RCC2: variants seen among roughly 807,000 people sequenced by gnomAD.
RCC2 encodes protein RCC2.
A neutral mutation model predicts 64.1 loss-of-function variants in RCC2; 19 were observed. That is an observed-to-expected ratio of 0.30 (90% CI 0.21 to 0.44). The LOEUF (loss-of-function observed/expected upper bound fraction) is 0.44. Among genes scored for constraint, RCC2 ranks in the 20% least tolerant of loss-of-function variants. The probability of loss-of-function intolerance (pLI) is 1.00; values close to 1 mark genes in which losing one functional copy is unlikely to be tolerated. For synonymous variants in RCC2, 325 were observed against 279.6 expected (o/e 1.16, Z -1.62); for missense variants, 508 against 710.4 (o/e 0.72, Z 3.24).
intron 9 of RCC2, 127 bp downstream of exon 9, chr1:17,413,410 T>A: frequency 9.3e-7 from 1 of 1,078,518 alleles, no homozygotes; most frequent in Non-Finnish European, 1.4e-6. Flanking sequence ...CACAACGAGT[T>A]CCTGTCTCAA....
chr1:17,424,360 A>G (rs2075590222), intron 4 of RCC2, among the ~76,000 whole-genome samples: 2 of 152,222 alleles, frequency 1.3e-5, no homozygotes, highest in Admixed American at 1.3e-4. Context: ...ACGCAAGTGA[A>G]GCTCAGCGAG....
At position 17,411,708 on chromosome 1, in the gene RCC2, TAAC is replaced by T. The variant is rs1286525807; in HGVS notation, c.1386+411_1386+413del. 8.5e-5 allele frequency among the ~76,000 whole-genome samples: 13 copies of T among 152,266 alleles called. No individual in the cohort carries two copies. The East Asian group carries it at 2.3e-3, about 27-fold the overall frequency. The stretch of plus-strand genomic sequence containing the variant: ...ACCTCATCACTCAAGTAACTGGTAT[TAAC>T]AACAGAAACACAGGTTTAAACTCAA... On this transcript the variant is annotated intron_variant, in intron 11 of 12. Coordinates refer to ENST00000375436, the MANE Select transcript of RCC2 (RefSeq NM_018715.4).
intron 2 of RCC2, among the ~76,000 whole-genome samples, chr1:17,437,723 G>A (rs2075752697): frequency 6.8e-6 from 1 of 146,914 alleles, no homozygotes; most frequent in Admixed American, 6.8e-5. Context: ...CCGGAGCCGA[G>A]GCGGCGGGAA....
chr1:17,437,396 T>C (rs1557637399), intron 2 of RCC2, among the ~76,000 whole-genome samples: 1 of 152,136 alleles, frequency 6.6e-6, no homozygotes, highest in African/African-American at 2.4e-5. Context: ...TTAAAGAAAG[T>C]TCTGTGGGGG....
rs1162916627 is a variant in RCC2, at chr1:17,408,931, T to C, written c.*159A>G. ...CATACAGAAAAAAAGGTAGTTAACG[T>C]TGGATCATGTGTAAAACGGAACCTC... On this transcript the variant is annotated 3_prime_UTR_variant, in exon 13 of 13. Transcript: ENST00000375436. 1.1e-5 allele frequency: 7 copies of C among 625,426 alleles called. No homozygotes were observed. Among genetic ancestry groups the C allele is most frequent in the East Asian group, 7.7e-5 (3 of 39,002 alleles). 38.7% of individuals were successfully genotyped at this position (625,426 alleles called of 1,614,324 possible).
At chr1:17,409,411 C>G (rs894556343) in intron 12 of RCC2, among the ~76,000 whole-genome samples, 1 of 152,218 alleles carries the variant, frequency 6.6e-6, no homozygotes, top group Non-Finnish European at 1.5e-5. Context: ...CCCTGGGAGA[C>G]CCAGCTGGAA....
rs767775116 is a variant in RCC2, at chr1:17,438,476, C to G, written c.39G>C (p.Glu13Asp). 4 of 1,343,326 alleles carry G rather than the reference C, an allele frequency of 3.0e-6. No individual in the cohort carries two copies. In the East Asian group the frequency reaches 1.1e-4, roughly 39 times the overall value. The allele number at this position is 1,343,326 out of a possible 1,614,324, so 83.2% of individuals were successfully genotyped here. ...GGGCAGTGCCGTTGCCCGAGCTCGG[C>G]TCCTCCCAGGCCGCCGCCGCCGCCT... The part of the protein sequence containing the change: ...RKKAAAAAWE[E>D]PSSGNGTARA... The change falls in exon 2 of 13, where the codon GAG becomes GAC. Residue 13 changes from glutamate (E) to aspartate (D), a missense_variant. Glu to Asp is a conservative substitution (Grantham distance 45, BLOSUM62 2). Around this residue, in one of 4 missense-constraint regions of RCC2, gnomAD observed 195 missense variants for 158.3 expected, o/e 1.23. Transcript: ENST00000375436.
In RCC2 at chr1:17,407,109, T is replaced by G. The variant is rs1236457771; in HGVS notation, c.*1981A>C. The G allele has an allele frequency of 6.6e-6, 1 of 152,252 alleles. No individual in the cohort carries two copies. Among genetic ancestry groups the G allele is most frequent in the Non-Finnish European group, 1.5e-5 (1 of 68,062 alleles). 9.4% of individuals were successfully genotyped at this position (152,252 alleles called of 1,614,324 possible). On this transcript the variant is annotated 3_prime_UTR_variant, in exon 13 of 13. Coordinates refer to ENST00000375436, the MANE Select transcript of RCC2 (RefSeq NM_018715.4). ...GAAGGAGCTGCGGGACAAGGCAGTC[T>G]TCACTTTGAAGGTCCCTTTCCTGCT... is the stretch of plus-strand genomic sequence containing the variant.
intron 8 of RCC2, among the ~76,000 whole-genome samples, chr1:17,416,085 G>C (rs1347412432): frequency 1.8e-5 from 2 of 110,794 alleles, no homozygotes; most frequent in Non-Finnish European, 1.8e-5. Flanking sequence ...AAAAGGGGGG[G>C]GGGGCGGGGG....
Position 17,438,340 on chromosome 1 carries a change from G to T in RCC2, c.175C>A (p.Leu59Ile). The change falls in exon 2 of 13, where the codon CTC becomes ATC. Residue 59 changes from leucine to isoleucine, a missense_variant. Leu to Ile is a conservative substitution (Grantham distance 5). This residue lies in a region of RCC2 where 195 missense variants were observed against 158.3 expected (regional missense o/e 1.23). Coordinates refer to ENST00000375436, the MANE Select transcript of RCC2 (RefSeq NM_018715.4). ...TTGCCCCCGCCGGGGGCCCCGTCGA[G>T]CTCCAGGCCGTCCTCGTCGCCGCTG... ...GSSGDEDGLELDGAPGGGKRA... is the reference protein window; with the variant it reads ...GSSGDEDGLEIDGAPGGGKRA... The T allele has an allele frequency of 8.0e-7, 1 of 1,244,722 alleles. No homozygotes were observed. 77.1% of individuals were successfully genotyped at this position (1,244,722 alleles called of 1,614,324 possible).
chr1:17,438,242 G>C lies in RCC2; in HGVS notation c.273C>G (p.Thr91=). Residue 91 remains threonine (T), a synonymous_variant, in exon 2 of 13, where the codon ACC becomes ACG. Transcript: ENST00000375436. ...GACCCTCACTCACGACGCGCTCCTT[G>C]GTGTGCTCGGGTTCGGTGATGACCA... ...AAVVITEPEH[T]KERVKLEGSK... 2.3e-6 allele frequency: 3 copies of C among 1,322,422 alleles called. No homozygotes were observed. The highest frequency in any genetic ancestry group is 2.9e-6 in the Non-Finnish European group (3 of 1,017,546). The allele number at this position is 1,322,422 out of a possible 1,614,324, so 81.9% of individuals were successfully genotyped here. A position where few individuals can be genotyped will look rare whatever the true frequency, so the allele number is the denominator to read the frequency against.
At chr1:17,422,658 T>A in intron 5 of RCC2, 47 bp downstream of exon 5, 2 of 1,607,740 alleles carry the variant, frequency 1.2e-6, no homozygotes, top group Non-Finnish European at 1.7e-6. Context: ...GCAGACCACC[T>A]GGCCTCTTGC....
At chr1:17,427,430 G>A (rs2075628761) in intron 3 of RCC2, among the ~76,000 whole-genome samples, 1 of 152,144 alleles carries the variant, frequency 6.6e-6, no homozygotes, top group Non-Finnish European at 1.5e-5. Context: ...TGGGGAAAGA[G>A]CAAACCAAAA....
At chr1:17,434,331 C>G (rs975809876) in intron 2 of RCC2, among the ~76,000 whole-genome samples, 6 of 152,180 alleles carry the variant, frequency 3.9e-5, no homozygotes, top group African/African-American at 1.4e-4. Flanking sequence ...TGATCAATGG[C>G]TTAATCTACC....
In RCC2 at chr1:17,416,640, TTG is replaced by T. The variant is rs748772286; in HGVS notation, c.864_865del (p.His288GlnfsTer18). 1 of 1,612,394 alleles carries T rather than the reference TTG, an allele frequency of 6.2e-7. No homozygotes were observed. The highest frequency in any genetic ancestry group is 1.7e-5 in the Admixed American group (1 of 59,984). ...CCGGGCGATGAACTTCCCATCTGAG[TTG>T]TGTCCTGTAGAGACCACAGAGCCGG... On this transcript the variant is annotated frameshift_variant, in exon 8 of 13. Transcript: ENST00000375436. LOFTEE classifies it high-confidence loss of function.
At chr1:17,431,355 A>ATATATGTATATAT (rs1354041881) in intron 2 of RCC2, among the ~76,000 whole-genome samples, 5 of 44,620 alleles carry the variant, frequency 1.1e-4, no homozygotes, top group African/African-American at 5.0e-4. Flanking sequence ...AAAAAAAAAA[A>ATATATGTATATAT]AAAAATATAT....
chr1:17,438,576 G>T (rs2075770549), intron 1 of RCC2, 54 bp from the exon 2 acceptor site: 2 of 1,277,306 alleles, frequency 1.6e-6, no homozygotes, highest in Non-Finnish European at 2.0e-6. Context: ...AAACTGCGCG[G>T]GGGGAGGGGA....
intron 5 of RCC2, 37 bp downstream of exon 5, chr1:17,422,668 C>G (rs2075568185): frequency 6.2e-7 from 1 of 1,609,046 alleles, no homozygotes; most frequent in Non-Finnish European, 8.5e-7. Flanking sequence ...TGGCCTCTTG[C>G]CAAACTGAGA....
chr1:17,432,248 C>T (rs1200436463), intron 2 of RCC2, among the ~76,000 whole-genome samples: 1 of 152,218 alleles, frequency 6.6e-6, no homozygotes, highest in Non-Finnish European at 1.5e-5. Context: ...AGCCTAGCTT[C>T]CCCTGGTTAT....
Sources: allele counts gnomAD v4.1 joint callset (sites outside exome capture counted in the v4.1 genomes callset), GRCh38; gene constraint gnomAD v4.1.1; regional missense constraint gnomAD v4.1.1; transcripts MANE v1.5; gene names NCBI Gene and HGNC (gene_info 2026-07-23, HGNC 2026-07-21).